The following ADH6 variants were observed in gnomAD, a reference collection of about 807,000 sequenced individuals.
ADH6 encodes alcohol dehydrogenase 6 (class V), also known as alcohol dehydrogenase 6.
Under a neutral mutation model 36.5 loss-of-function variants are expected in ADH6, and 34 were observed. The observed-to-expected ratio is 0.93, with a 90% CI of 0.71 to 1.24. The LOEUF (loss-of-function observed/expected upper bound fraction) is 1.24. ADH6 is among the 50% of genes most tolerant of loss of function. The pLI, the probability that ADH6 is intolerant of heterozygous loss-of-function variation, is 0.00. For synonymous variants in ADH6, 161 were observed against 155.5 expected, an observed-to-expected ratio of 1.04 and a Z score of -0.26; for missense variants, 440 against 447.0, an observed-to-expected ratio of 0.98 and a Z score of 0.14.
At position 99,204,015 on chromosome 4, in the gene ADH6, A is replaced by G. The variant is rs1730936427; in HGVS notation, c.*204T>C. ...TAATCTAGCTCTGAAAAGGAGGCTGATCCTTGGTGACACTGGGTTACGTAA... is the reference window on the plus strand; with the variant it reads ...TAATCTAGCTCTGAAAAGGAGGCTGGTCCTTGGTGACACTGGGTTACGTAA... On this transcript the variant is annotated 3_prime_UTR_variant, in exon 9 of 9. Transcript: ENST00000394899. 1.8e-6 allele frequency: 1 copy of G among 554,280 alleles called. No individual in the cohort carries two copies. Among genetic ancestry groups the G allele is most frequent in the East Asian group, 3.3e-5 (1 of 30,684 alleles). 34.3% of individuals were successfully genotyped at this position (554,280 alleles called of 1,614,324 possible).
At position 99,203,787 on chromosome 4, in the gene ADH6, A is replaced by C. The variant is rs1211652845; in HGVS notation, c.*432T>G. The C allele has an allele frequency of 6.4e-6, 1 of 155,664 alleles. No homozygotes were observed. Among genetic ancestry groups the C allele is most frequent in the Non-Finnish European group, 1.4e-5 (1 of 70,756 alleles). The allele number at this position is 155,664 out of a possible 1,614,324, so 9.6% of individuals were successfully genotyped here. ...GACTGGGTTAACTTGATTCAGGTTAACCTGAATCTTCAATAAACTCATTAA... is the reference window on the plus strand; with the variant it reads ...GACTGGGTTAACTTGATTCAGGTTACCCTGAATCTTCAATAAACTCATTAA... On this transcript the variant is annotated 3_prime_UTR_variant, in exon 9 of 9. Coordinates refer to ENST00000394899, the MANE Select transcript of ADH6 (RefSeq NM_001102470.2).
At chr4:99,205,499 G>A (rs1351178423) in intron 7 of ADH6, among the ~76,000 whole-genome samples, 2 of 152,048 alleles carry the variant, frequency 1.3e-5, no homozygotes, top group Non-Finnish European at 1.5e-5. Flanking sequence ...GAGTCAAATA[G>A]CTTAAAGGAA....
In ADH6 at chr4:99,204,128, G is replaced by C; in HGVS notation, c.*91C>G. ...GAAGTCAGAATATAGAAATGGGATT[G>C]GGTGAATAATTCTTCTAAATCATGA... On this transcript the variant is annotated 3_prime_UTR_variant, in exon 9 of 9. Transcript: ENST00000394899. 7.0e-7 allele frequency: 1 copy of C among 1,432,870 alleles called. No homozygotes were observed. Among genetic ancestry groups the C allele is most frequent in the South Asian group, 1.2e-5 (1 of 81,096 alleles). 88.8% of individuals were successfully genotyped at this position (1,432,870 alleles called of 1,614,324 possible).
intron 2 of ADH6, among the ~76,000 whole-genome samples, chr4:99,215,594 GCCTCTGCCTC>G (rs1731379447): frequency 6.6e-6 from 1 of 152,158 alleles, no homozygotes; most frequent in Non-Finnish European, 1.5e-5. Flanking sequence ...CAATCTTCCT[GCCTCTGCCTC>G]CCAGAGTGCT....
At position 99,208,739 on chromosome 4, in the gene ADH6, C is replaced by T. The variant is rs868358288; in HGVS notation, c.757G>A (p.Glu253Lys). The change falls in exon 6 of 9, where the codon GAA (glutamate) becomes AAA (lysine). Residue 253 changes from glutamate to lysine, a missense_variant. Transcript: ENST00000394899. ...GCATCTGTCATATCAAATAAAACTT[C>T]TTGAATGGGTTTCTTTAAGTCCTGA... ...NPQDLKKPIQ[E>K]VLFDMTDAGI... The T allele has an allele frequency of 6.2e-7, 1 of 1,613,866 alleles. No homozygotes were observed. The highest frequency in any genetic ancestry group is 8.5e-7 in the Non-Finnish European group (1 of 1,179,788).
At chr4:99,210,886 AAC>A (rs1468527876) in intron 3 of ADH6, among the ~76,000 whole-genome samples, 1 of 152,174 alleles carries the variant, frequency 6.6e-6, no homozygotes, top group African/African-American at 2.4e-5. Flanking sequence ...ACCACATACT[AAC>A]AGAGTAAGCT....
At chr4:99,208,435 T>C (rs2110545780) in intron 6 of ADH6, 1 of 417,970 alleles carries the variant, frequency 2.4e-6, no homozygotes, top group East Asian at 3.7e-5. Context: ...CAAATTTTAA[T>C]CTTATCTTGC....
At position 99,219,149 on chromosome 4, in the gene ADH6, T is replaced by C. The variant is rs4699735; in HGVS notation, c.4A>G (p.Ser2Gly). 2 of 1,611,496 alleles carry C rather than the reference T, an allele frequency of 1.2e-6. No homozygotes were observed. The highest frequency in any genetic ancestry group is 2.2e-5 in the South Asian group (2 of 91,004). The change falls in exon 1 of 9, where the codon AGT becomes GGT. Residue 2 changes from serine to glycine, a missense_variant. Coordinates refer to ENST00000394899, the MANE Select transcript of ADH6 (RefSeq NM_001102470.2). ...ACTGCACCTACTTGGCCTGTAGTAC[T>C]CATGCTGATTTTCTCCACCGCAGAT... is the stretch of plus-strand genomic sequence containing the variant. M[S>G]TTGQVIRCKA...
Position 99,205,066 on chromosome 4 carries a change from G to A in ADH6, c.965-3C>T. Reference sequence around the variant, plus strand: ...GATGTGCTGTCTGCTCTTCCAGCCTGGAAATACAGATTAATGATGAATTTT... The same window carrying A: ...GATGTGCTGTCTGCTCTTCCAGCCTAGAAATACAGATTAATGATGAATTTT... On this transcript the variant is annotated splice_region_variant and splice_polypyrimidine_tract_variant and intron_variant, in intron 7 of 8. Transcript: ENST00000394899. 6.4e-7 allele frequency: 1 copy of A among 1,557,788 alleles called. No individual in the cohort carries two copies. The highest frequency in any genetic ancestry group is 1.2e-5 in the South Asian group (1 of 81,592).
chr4:99,211,243 T>C (rs1321891785), intron 3 of ADH6, among the ~76,000 whole-genome samples: 1 of 152,130 alleles, frequency 6.6e-6, no homozygotes, highest in Non-Finnish European at 1.5e-5. Flanking sequence ...CAGTTCCCCA[T>C]CTTAGAGACA....
intron 1 of ADH6, among the ~76,000 whole-genome samples, chr4:99,218,789 C>T (rs972363386): frequency 1.3e-5 from 2 of 152,186 alleles, no homozygotes; most frequent in African/African-American, 4.8e-5. Context: ...TGAGCTTTTC[C>T]TTGAGGCTCC....
chr4:99,215,980 A>G (rs1731398972), intron 2 of ADH6, 181 bp downstream of exon 2: 1 of 407,442 alleles, frequency 2.5e-6, no homozygotes, highest in Admixed American at 4.3e-5. Context: ...TACCTCCCTA[A>G]CCTTTTATCT....
chr4:99,202,968 T>G lies in ADH6; in HGVS notation c.*1251A>C, dbSNP rs1730907552. On this transcript the variant is annotated 3_prime_UTR_variant, in exon 9 of 9. Coordinates refer to ENST00000394899, the MANE Select transcript of ADH6 (RefSeq NM_001102470.2). ...AGGGAAACACAGGATGCCCAACTCATAAGAATCAGACTGTTATGAGAGTCC... is the reference window on the plus strand; with the variant it reads ...AGGGAAACACAGGATGCCCAACTCAGAAGAATCAGACTGTTATGAGAGTCC... The G allele has an allele frequency of 2.5e-6, 1 of 394,782 alleles. No individual in the cohort carries two copies. Among genetic ancestry groups the G allele is most frequent in the African/African-American group, 2.1e-5 (1 of 48,492 alleles). The allele number at this position is 394,782 out of a possible 1,614,324, so 24.5% of individuals were successfully genotyped here. A position where few individuals can be genotyped will look rare whatever the true frequency, so the allele number is the denominator to read the frequency against.
chr4:99,210,053 C>G (rs374376159), intron 5 of ADH6, 29 bp downstream of exon 5: 1 of 1,604,294 alleles, frequency 6.2e-7, no homozygotes, highest in African/African-American at 1.3e-5. Flanking sequence ...CCAATAATTC[C>G]CTTCCAAATG....
At chr4:99,216,584 C>T (rs966360867) in intron 1 of ADH6, among the ~76,000 whole-genome samples, 4 of 151,882 alleles carry the variant, frequency 2.6e-5, no homozygotes, top group African/African-American at 4.8e-5. Context: ...CGGTGGCTCA[C>T]GCCTGTAATT....
chr4:99,217,141 T>A (rs1731466074), intron 1 of ADH6, among the ~76,000 whole-genome samples: 1 of 152,158 alleles, frequency 6.6e-6, no homozygotes, highest in Non-Finnish European at 1.5e-5. Flanking sequence ...GTTCATGCCA[T>A]TCTCCTGCCT....
intron 7 of ADH6, among the ~76,000 whole-genome samples, chr4:99,205,916 A>G (rs1248207864): frequency 6.6e-6 from 1 of 152,094 alleles, no homozygotes; most frequent in Non-Finnish European, 1.5e-5. Context: ...TCTTCTCCAA[A>G]CTACCACAAA....
At chr4:99,218,143 C>A (rs1731515718) in intron 1 of ADH6, among the ~76,000 whole-genome samples, 1 of 152,174 alleles carries the variant, frequency 6.6e-6, no homozygotes, top group Non-Finnish European at 1.5e-5. Context: ...CTGGAGGTAT[C>A]TCAAACTCAA....
At chr4:99,205,100 G>C in intron 7 of ADH6, 37 bp from the exon 8 acceptor site, 1 of 1,526,010 alleles carries the variant, frequency 6.6e-7, no homozygotes, top group South Asian at 1.3e-5. Context: ...TTACACATGA[G>C]GCTTCATTAT....
Sources: gnomAD v4.1 joint callset for allele counts (sites outside exome capture counted in the v4.1 genomes callset) on GRCh38, gnomAD v4.1.1 for gene constraint, MANE v1.5 for transcripts, NCBI Gene and HGNC (gene_info 2026-07-23, HGNC 2026-07-21) for gene names.